Variants in PKIA observed in about 807,000 individuals in gnomAD.
PKIA encodes the protein cAMP-dependent protein kinase inhibitor alpha.
Under a neutral mutation model 7.6 loss-of-function variants are expected in PKIA, and 4 were observed. The observed-to-expected ratio is 0.52, with a 90% CI of 0.26 to 1.20. The LOEUF is 1.20. Ranked by LOEUF, PKIA falls within the 50% of genes most tolerant of loss-of-function variation. The pLI, the probability that PKIA is intolerant of heterozygous loss-of-function variation, is 0.13. For missense variants in PKIA, 73 were observed against 86.2 expected, an observed-to-expected ratio of 0.85 and a Z score of 0.61; for synonymous variants, 21 against 30.7, an observed-to-expected ratio of 0.68 and a Z score of 1.04.
intron 2 of PKIA, among the ~76,000 whole-genome samples, chr8:78,575,644 ACTGCTGG>A (rs1244758608): frequency 6.6e-6 from 1 of 152,006 alleles, no homozygotes; most frequent in Non-Finnish European, 1.5e-5. Flanking sequence ...CACGATTAGA[ACTGCTGG>A]GTCATGGGGA....
At chr8:78,542,914 C>T (rs1002472661) in intron 1 of PKIA, among the ~76,000 whole-genome samples, 5 of 152,120 alleles carry the variant, frequency 3.3e-5, no homozygotes, top group Middle Eastern at 3.2e-3. Context: ...GGAAGGCTGT[C>T]ACCACCTGCT....
intron 3 of PKIA, among the ~76,000 whole-genome samples, chr8:78,601,215 A>G (rs1386714636): frequency 4.6e-5 from 7 of 152,098 alleles, no homozygotes; most frequent in Non-Finnish European, 8.8e-5. Flanking sequence ...CAGCTGACAT[A>G]GTGTCCTTTC....
At chr8:78,570,392 G>A (rs1807517175) in intron 1 of PKIA, among the ~76,000 whole-genome samples, 1 of 152,054 alleles carries the variant, frequency 6.6e-6, no homozygotes, top group African/African-American at 2.4e-5. Context: ...AACATTCTTC[G>A]AGTACTGAAA....
At chr8:78,557,573 G>C (rs1220984317) in intron 1 of PKIA, among the ~76,000 whole-genome samples, 2 of 152,160 alleles carry the variant, frequency 1.3e-5, no homozygotes, top group Non-Finnish European at 2.9e-5. Flanking sequence ...AAAAGAGAAA[G>C]GAAATGGCTG....
In PKIA at chr8:78,603,883, T is replaced by G. The variant is rs757331564; in HGVS notation, c.*2062T>G. 2.0e-5 allele frequency: 3 copies of G among 152,032 alleles called. No individual in the cohort carries two copies. Among genetic ancestry groups the G allele is most frequent in the Non-Finnish European group, 4.4e-5 (3 of 67,964 alleles). 9.4% of individuals were successfully genotyped at this position (152,032 alleles called of 1,614,324 possible). ...TTCCTATGTGATATACTGTTATTAA[T>G]GCATGTGGTGCCATGCTTGTCTTTA... On this transcript the variant is annotated 3_prime_UTR_variant, in exon 4 of 4. Transcript: ENST00000396418.
intron 1 of PKIA, among the ~76,000 whole-genome samples, chr8:78,523,963 T>C (rs1489599171): frequency 7.1e-6 from 1 of 140,434 alleles, no homozygotes; most frequent in Non-Finnish European, 1.5e-5. Context: ...TATATATAAA[T>C]ATATAAACAT....
chr8:78,568,795 C>T (rs1407518700), intron 1 of PKIA, among the ~76,000 whole-genome samples: 1 of 152,140 alleles, frequency 6.6e-6, no homozygotes, highest in African/African-American at 2.4e-5. Flanking sequence ...AGTATGTACA[C>T]CTCTCCAGTA....
At chr8:78,552,199 G>C (rs887051311) in intron 1 of PKIA, among the ~76,000 whole-genome samples, 1 of 151,594 alleles carries the variant, frequency 6.6e-6, no homozygotes, top group African/African-American at 2.4e-5. Context: ...AATATGGCTT[G>C]AAACTTTTTC....
At chr8:78,600,195 T>A (rs1430223010) in intron 3 of PKIA, among the ~76,000 whole-genome samples, 1 of 151,898 alleles carries the variant, frequency 6.6e-6, no homozygotes, top group Non-Finnish European at 1.5e-5. Flanking sequence ...TTATTCTAAG[T>A]ACAAAAAACT....
chr8:78,528,075 C>T (rs112378598), intron 1 of PKIA, among the ~76,000 whole-genome samples: 5,110 of 152,148 alleles, frequency 0.034, 96 homozygotes, highest in African/African-American at 0.041. Flanking sequence ...TTTTTCTATA[C>T]TTACTGCTAA....
chr8:78,586,996 T>A (rs544443976), intron 2 of PKIA, among the ~76,000 whole-genome samples: 2 of 152,322 alleles, frequency 1.3e-5, no homozygotes, highest in Admixed American at 1.3e-4. Context: ...CATAAGGCAC[T>A]ATTAAACCGT....
At chr8:78,518,114 GT>G (rs1199841782) in intron 1 of PKIA, among the ~76,000 whole-genome samples, 1 of 151,948 alleles carries the variant, frequency 6.6e-6, no homozygotes, top group Non-Finnish European at 1.5e-5. Flanking sequence ...TACAAATTTC[GT>G]TTTTACAAAA....
intron 1 of PKIA, among the ~76,000 whole-genome samples, chr8:78,542,020 TA>T (rs1034992353): frequency 1.3e-5 from 2 of 151,882 alleles, no homozygotes; most frequent in African/African-American, 2.4e-5. Context: ...AAATATATTT[TA>T]AAAAATCAGC....
intron 2 of PKIA, among the ~76,000 whole-genome samples, chr8:78,592,709 C>A (rs544220154): frequency 5.5e-4 from 84 of 152,228 alleles, no homozygotes; most frequent in African/African-American, 2.0e-3. Flanking sequence ...GAATTGCCAC[C>A]AGGATCTTTT....
At chr8:78,565,693 GT>G (rs921660194) in intron 1 of PKIA, among the ~76,000 whole-genome samples, 68 of 150,760 alleles carry the variant, frequency 4.5e-4, no homozygotes, top group African/African-American at 1.6e-3. Flanking sequence ...AGTAATTAGG[GT>G]TTTTTTTTAT....
intron 1 of PKIA, chr8:78,535,210 T>C (rs999114145): frequency 2.6e-5 from 4 of 152,188 alleles, no homozygotes. Context: ...TGATGTAAGA[T>C]TGATTTCTGC....
intron 1 of PKIA, among the ~76,000 whole-genome samples, chr8:78,570,337 A>G (rs532695189): frequency 6.6e-6 from 1 of 152,190 alleles, no homozygotes; most frequent in Non-Finnish European, 1.5e-5. Context: ...TTCAAATGAC[A>G]GCAGATTTCG....
At chr8:78,567,412 T>G (rs1364422961) in intron 1 of PKIA, among the ~76,000 whole-genome samples, 1 of 152,150 alleles carries the variant, frequency 6.6e-6, no homozygotes, top group Admixed American at 6.6e-5. Flanking sequence ...CTTGACAATT[T>G]TGGATAATAC....
intron 1 of PKIA, among the ~76,000 whole-genome samples, chr8:78,565,600 G>A (rs1214067793): frequency 6.6e-6 from 1 of 151,798 alleles, no homozygotes; most frequent in East Asian, 1.9e-4. Flanking sequence ...AGGATACCTG[G>A]CAGTGCTCTT....
Sources: gnomAD v4.1 joint callset for allele counts (sites outside exome capture counted in the v4.1 genomes callset) on GRCh38, gnomAD v4.1.1 for gene constraint, MANE v1.5 for transcripts, NCBI Gene and HGNC (gene_info 2026-07-23, HGNC 2026-07-21) for gene names.